Variants in URI1 observed in about 807,000 individuals in gnomAD.
URI1 encodes unconventional prefoldin RPB5 interactor 1.
In URI1, 39 loss-of-function variants were observed where a neutral mutation model predicts 60.2. That is an observed-to-expected ratio of 0.65 (90% CI 0.50 to 0.85). The LOEUF is 0.85. URI1 is among the 40% of genes least tolerant of loss of function. The pLI is 0.00. For missense variants in URI1, 691 were observed against 665.9 expected (o/e 1.04, Z -0.42); for synonymous variants, 251 against 236.8 (o/e 1.06, Z -0.55).
chr19:29,993,410 A>T (rs1912838809), intron 4 of URI1, among the ~76,000 whole-genome samples: 2 of 152,240 alleles, frequency 1.3e-5, no homozygotes, highest in African/African-American at 4.8e-5. Context: ...GAAGCCCTGT[A>T]ATGAAAAATA....
chr19:29,997,831 A>G (rs1599715257), intron 4 of URI1, among the ~76,000 whole-genome samples: 1 of 152,020 alleles, frequency 6.6e-6, no homozygotes, highest in Non-Finnish European at 1.5e-5. Context: ...GTGGTGCAAT[A>G]TCGGCTCACT....
intron 1 of URI1, among the ~76,000 whole-genome samples, chr19:29,960,546 C>T (rs1014188640): frequency 6.6e-6 from 1 of 151,994 alleles, no homozygotes; most frequent in Admixed American, 6.6e-5. Context: ...ATGCTACTTG[C>T]CTTCAAGTCT....
intron 1 of URI1, among the ~76,000 whole-genome samples, chr19:29,951,756 C>T (rs1368125001): frequency 6.6e-6 from 1 of 152,144 alleles, no homozygotes; most frequent in African/African-American, 2.4e-5. Flanking sequence ...CCATGTTGGC[C>T]AGGCTGGTCT....
intron 4 of URI1, among the ~76,000 whole-genome samples, chr19:29,992,693 C>CT (rs1374268356): frequency 2.0e-5 from 3 of 152,086 alleles, no homozygotes; most frequent in African/African-American, 7.2e-5. Context: ...TTGCTGAATT[C>CT]TTTTTTACGT....
At chr19:29,969,170 TA>T (rs764257349) in intron 1 of URI1, among the ~76,000 whole-genome samples, 2 of 152,226 alleles carry the variant, frequency 1.3e-5, no homozygotes, top group Non-Finnish European at 2.9e-5. Flanking sequence ...ATGTAACTAA[TA>T]AAGACTTTAA....
At chr19:29,955,064 G>A (rs1039697928) in intron 1 of URI1, among the ~76,000 whole-genome samples, 1 of 151,492 alleles carries the variant, frequency 6.6e-6, no homozygotes, top group African/African-American at 2.4e-5. Flanking sequence ...GAGTGCAGCG[G>A]TGCATTCTCG....
intron 1 of URI1, among the ~76,000 whole-genome samples, chr19:29,960,325 C>A (rs935708493): frequency 5.9e-5 from 9 of 151,868 alleles, no homozygotes; most frequent in African/African-American, 2.2e-4. Context: ...TATTTTATGT[C>A]CTTGTTAATT....
Position 30,007,513 on chromosome 19 carries a change from T to C in URI1, c.561T>C (p.Thr187=). Residue 187 remains threonine (T), a synonymous_variant, in exon 7 of 11, where the codon ACT becomes ACC. Coordinates refer to ENST00000392271, the MANE Select transcript of URI1 (RefSeq NM_003796.3). ...ATAAACCGCATTCCAAACCAAAAACTTCAGATATTTTTGAAGCAGATATTG... is the reference window on the plus strand; with the variant it reads ...ATAAACCGCATTCCAAACCAAAAACCTCAGATATTTTTGAAGCAGATATTG... ...IAHKPHSKPK[T]SDIFEADIAN... 1 of 1,613,316 alleles carries C rather than the reference T, an allele frequency of 6.2e-7. No individual in the cohort carries two copies. Among genetic ancestry groups the C allele is most frequent in the Non-Finnish European group, 8.5e-7 (1 of 1,179,552 alleles).
rs373757467 is a variant in URI1, at chr19:30,011,207, G to A, written c.1149G>A (p.Pro383=). 6.2e-6 allele frequency: 10 copies of A among 1,610,076 alleles called. No individual in the cohort carries two copies. Among genetic ancestry groups the A allele is most frequent in the African/African-American group, 2.7e-5 (2 of 74,676 alleles). ...TGSGHSAQEL[P]TIRTPADIYR... ...GTGGCCACTCTGCCCAGGAGCTGCC[G>A]ACCATCAGGACGCCTGCAGACATTT... The change falls in exon 9 of 11, where the codon CCG becomes CCA. Residue 383 remains proline, a synonymous_variant. Coordinates refer to ENST00000392271, the MANE Select transcript of URI1 (RefSeq NM_003796.3).
chr19:29,988,359 G>A (rs1326679290), intron 4 of URI1, among the ~76,000 whole-genome samples: 1 of 152,054 alleles, frequency 6.6e-6, no homozygotes. Context: ...GGGTAATTGG[G>A]GAAGGTCTGA....
At chr19:29,942,690 C>G in intron 1 of URI1, 26 bp downstream of exon 1, 3 of 1,362,372 alleles carry the variant, frequency 2.2e-6, no homozygotes, top group South Asian at 3.6e-5. Flanking sequence ...GCGCCGCTTC[C>G]GCCTCCGCCC....
chr19:30,007,533 A>G lies in URI1; in HGVS notation c.581A>G (p.Asp194Gly), dbSNP rs755283442. The G allele has an allele frequency of 1.8e-5, 29 of 1,613,420 alleles. No individual in the cohort carries two copies. In the South Asian group the frequency reaches 2.7e-4, roughly 15 times the overall value. The change falls in exon 7 of 11, where the codon GAT becomes GGT. Residue 194 changes from aspartate to glycine, a missense_variant. By Grantham distance (94) the Asp-to-Gly change is moderately conservative (BLOSUM62 -1). Transcript: ENST00000392271. ...AAAACTTCAGATATTTTTGAAGCAG[A>G]TATTGCAAATGATGTGAAATCCAAG... ...KPKTSDIFEA[D>G]IANDVKSKDL...
At position 29,991,800 on chromosome 19, in the gene URI1, G is replaced by T. The variant is rs563447234; in HGVS notation, c.367+5383G>T. ...AACTTTCTACCTGGTTCTAATTTGC[G>T]GATTTTTTAAATGAAAATATGTTGA... is the stretch of plus-strand genomic sequence containing the variant. On this transcript the variant is annotated intron_variant, in intron 4 of 10. Transcript: ENST00000392271. Among the ~76,000 whole-genome samples the T allele has an allele frequency of 2.2e-4, 34 of 152,036 alleles. No homozygotes were observed. The South Asian group carries it at 4.2e-3, about 19-fold the overall frequency.
intron 4 of URI1, among the ~76,000 whole-genome samples, chr19:29,996,230 A>G (rs1005985987): frequency 2.0e-5 from 3 of 151,692 alleles, no homozygotes; most frequent in Admixed American, 2.0e-4. Context: ...AAATATATTC[A>G]CTCCGTGAAC....
chr19:29,971,323 G>A lies in URI1; in HGVS notation c.152+96G>A, dbSNP rs901057202. The A allele has an allele frequency of 6.7e-6, 8 of 1,198,770 alleles. No individual in the cohort carries two copies. In the African/African-American group the frequency reaches 9.1e-5, roughly 14 times the overall value. 74.3% of individuals were successfully genotyped at this position (1,198,770 alleles called of 1,614,324 possible). ...GTTTACTGTTTGCGTGTGTGTGTAT[G>A]TATGACTAGTAATTGAATTCTTCTA... On this transcript the variant is annotated intron_variant, in intron 2 of 10. Transcript: ENST00000392271.
intron 1 of URI1, among the ~76,000 whole-genome samples, chr19:29,929,822 A>C (rs894360491): frequency 5.3e-5 from 8 of 152,138 alleles, no homozygotes; most frequent in African/African-American, 1.9e-4. Flanking sequence ...CTCAATGACA[A>C]CAAAAAAACA....
chr19:29,931,557 T>G (rs2054917612), intron 1 of URI1, among the ~76,000 whole-genome samples: 1 of 152,142 alleles, frequency 6.6e-6, no homozygotes, highest in African/African-American at 2.4e-5. Context: ...CATTGGTGGT[T>G]AGGGCACTGA....
intron 1 of URI1, among the ~76,000 whole-genome samples, chr19:29,944,008 G>T (rs1282149778): frequency 1.3e-5 from 2 of 150,064 alleles, no homozygotes; most frequent in African/African-American, 2.5e-5. Flanking sequence ...CCATGGTGGT[G>T]CACGCTTGTA....
chr19:29,936,005 C>T (rs1392565333), intron 1 of URI1, among the ~76,000 whole-genome samples: 3 of 152,118 alleles, frequency 2.0e-5, no homozygotes, highest in Non-Finnish European at 1.5e-5. Context: ...CCAGGCTGGT[C>T]TAGAATGCCT....
Sources: allele counts gnomAD v4.1 joint callset (sites outside exome capture counted in the v4.1 genomes callset), GRCh38; gene constraint gnomAD v4.1.1; transcripts MANE v1.5; gene names NCBI Gene and HGNC (gene_info 2026-07-23, HGNC 2026-07-21).